DNAJC12: variants seen among roughly 807,000 people sequenced by gnomAD.
DNAJC12 encodes the protein dnaJ homolog subfamily C member 12.
Under a neutral mutation model 28.5 loss-of-function variants are expected in DNAJC12, and 25 were observed. The observed-to-expected ratio is 0.88, with a 90% CI of 0.64 to 1.22. DNAJC12 has a LOEUF of 1.22. Ranked by LOEUF, DNAJC12 falls within the 50% of genes most tolerant of loss-of-function variation. DNAJC12 has a pLI of 0.00. For missense variants in DNAJC12, 222 were observed against 231.7 expected (o/e 0.96, Z 0.27); for synonymous variants, 77 against 80.6 (o/e 0.95, Z 0.24).
chr10:67,818,869 G>C (rs1841941964), intron 2 of DNAJC12, among the ~76,000 whole-genome samples: 1 of 151,892 alleles, frequency 6.6e-6, no homozygotes, highest in Admixed American at 6.6e-5. Context: ...TGGTCAGGCT[G>C]GTCTCAAGTT....
intron 1 of DNAJC12, among the ~76,000 whole-genome samples, chr10:67,826,479 T>C (rs1564865685): frequency 6.9e-6 from 1 of 145,722 alleles, no homozygotes; most frequent in Admixed American, 7.1e-5. Context: ...TATATATATA[T>C]ATAAGATGCT....
intron 2 of DNAJC12, among the ~76,000 whole-genome samples, chr10:67,822,927 A>G (rs1363497848): frequency 6.6e-6 from 1 of 151,942 alleles, no homozygotes; most frequent in Admixed American, 6.6e-5. Context: ...CCCAGGAGCC[A>G]GAGGTTGCAG....
At chr10:67,822,227 A>G (rs1360083571) in intron 2 of DNAJC12, among the ~76,000 whole-genome samples, 3 of 152,192 alleles carry the variant, frequency 2.0e-5, no homozygotes, top group African/African-American at 7.2e-5. Context: ...AGACTGAGAG[A>G]AAGCAGCCCA....
rs138012906 is a variant in DNAJC12, at chr10:67,816,695, G to A, written c.158-5032C>T. Among the ~76,000 whole-genome samples the A allele has an allele frequency of 3.2e-4, 49 of 152,042 alleles. No homozygotes were observed. The East Asian group carries it at 5.2e-3, about 16-fold the overall frequency. On this transcript the variant is annotated intron_variant, in intron 2 of 4. Coordinates refer to ENST00000225171, the MANE Select transcript of DNAJC12 (RefSeq NM_021800.3). Reference sequence around the variant, plus strand: ...ACAGTAGCTGGGATTACAGGCACCCGCCACCACACTCAGCTAATTTTTTGT... The same window carrying A: ...ACAGTAGCTGGGATTACAGGCACCCACCACCACACTCAGCTAATTTTTTGT...
intron 1 of DNAJC12, among the ~76,000 whole-genome samples, chr10:67,829,411 C>A (rs536333133): frequency 2.0e-5 from 3 of 152,214 alleles, no homozygotes; most frequent in East Asian, 3.9e-4. Flanking sequence ...GAGGCCGAGG[C>A]GGGTGGATCA....
chr10:67,827,463 G>A (rs1165633917), intron 1 of DNAJC12: 2 of 152,186 alleles, frequency 1.3e-5, no homozygotes, highest in African/African-American at 4.8e-5. Context: ...AAGGTAGGTG[G>A]ATTATCTGAG....
chr10:67,833,672 C>T (rs1191259051), intron 1 of DNAJC12: 1 of 279,648 alleles, frequency 3.6e-6, no homozygotes, highest in African/African-American at 2.2e-5. Context: ...GTGGCTGCGT[C>T]ACTCTGGTAA....
At position 67,823,433 on chromosome 10, in the gene DNAJC12, G is replaced by A. The variant is rs367812966; in HGVS notation, c.79-41C>T. On this transcript the variant is annotated intron_variant, in intron 1 of 4. Transcript: ENST00000225171. Reference sequence around the variant, plus strand: ...GTGTTTAAAATAAAGAGTCATGCCAGGCGCAGTGACTCACGCCTATAATCT... The same window carrying A: ...GTGTTTAAAATAAAGAGTCATGCCAAGCGCAGTGACTCACGCCTATAATCT... The A allele has an allele frequency of 1.1e-5, 17 of 1,570,764 alleles. No homozygotes were observed. In the African/African-American group the frequency reaches 2.2e-4, roughly 20 times the overall value.
intron 1 of DNAJC12, among the ~76,000 whole-genome samples, chr10:67,823,907 T>G (rs1045137372): frequency 2.0e-5 from 3 of 152,130 alleles, no homozygotes; most frequent in African/African-American, 7.2e-5. Flanking sequence ...ACTACTTAAT[T>G]TAAATGATGG....
At chr10:67,808,241 G>A (rs901937768) in intron 3 of DNAJC12, among the ~76,000 whole-genome samples, 3 of 152,196 alleles carry the variant, frequency 2.0e-5, no homozygotes, top group African/African-American at 7.2e-5. Flanking sequence ...CAGACTAAGA[G>A]AGAGACTAGA....
At position 67,811,546 on chromosome 10, in the gene DNAJC12, G is replaced by A; in HGVS notation, c.275C>T (p.Ala92Val). 1.2e-6 allele frequency: 2 copies of A among 1,614,140 alleles called. No homozygotes were observed. The highest frequency in any genetic ancestry group is 2.7e-5 in the African/African-American group (2 of 75,048). ...CACCGTCTTCACTGAGTCATTCAAAGCTTCCCACTGCTGGAATGGCATCGA... is the reference window on the plus strand; with the variant it reads ...CACCGTCTTCACTGAGTCATTCAAAACTTCCCACTGCTGGAATGGCATCGA... ...QMSMPFQQWE[A>V]LNDSVKTSMH... The change falls in exon 3 of 5, where the codon GCT (alanine) becomes GTT (valine). Residue 92 changes from alanine (A) to valine (V), a missense_variant. Transcript: ENST00000225171.
At chr10:67,814,016 T>C (rs937701544) in intron 2 of DNAJC12, among the ~76,000 whole-genome samples, 1 of 129,526 alleles carries the variant, frequency 7.7e-6, no homozygotes. Context: ...TGTTTGCAAA[T>C]ACAAGGGACC....
At chr10:67,822,494 C>T (rs1179730102) in intron 2 of DNAJC12, among the ~76,000 whole-genome samples, 2 of 151,942 alleles carry the variant, frequency 1.3e-5, no homozygotes, top group African/African-American at 2.4e-5. Flanking sequence ...ACTTCCTTTT[C>T]GGGAAGTCTG....
At position 67,837,921 on chromosome 10, in the gene DNAJC12, T is replaced by C; in HGVS notation, c.78+13A>G. ...GAATACTGTTGTGATAAAAATATTA[T>C]CCACTGTCTTACCGAAGATAGTTCA... On this transcript the variant is annotated intron_variant, in intron 1 of 4. Coordinates refer to ENST00000225171, the MANE Select transcript of DNAJC12 (RefSeq NM_021800.3). 1.3e-6 allele frequency: 2 copies of C among 1,543,204 alleles called. No individual in the cohort carries two copies. Among genetic ancestry groups the C allele is most frequent in the Non-Finnish European group, 1.8e-6 (2 of 1,127,594 alleles).
At chr10:67,833,301 C>G (rs923713117) in intron 1 of DNAJC12, among the ~76,000 whole-genome samples, 1 of 152,136 alleles carries the variant, frequency 6.6e-6, no homozygotes, top group Non-Finnish European at 1.5e-5. Flanking sequence ...GCTGTTTTCT[C>G]CAATGGCAGA....
At chr10:67,810,517 A>G (rs981447333) in intron 3 of DNAJC12, among the ~76,000 whole-genome samples, 6 of 152,190 alleles carry the variant, frequency 3.9e-5, no homozygotes, top group African/African-American at 1.2e-4. Flanking sequence ...GGGACTAATA[A>G]TGTTCCCAAA....
intron 3 of DNAJC12, among the ~76,000 whole-genome samples, chr10:67,807,555 T>C (rs966481006): frequency 9.2e-5 from 14 of 152,154 alleles, no homozygotes; most frequent in African/African-American, 3.4e-4. Context: ...GGTTTTTGCA[T>C]ATGCACAAAA....
At position 67,823,520 on chromosome 10, in the gene DNAJC12, G is replaced by A; in HGVS notation, c.79-128C>T. On this transcript the variant is annotated intron_variant, in intron 1 of 4. Coordinates refer to ENST00000225171, the MANE Select transcript of DNAJC12 (RefSeq NM_021800.3). ...GAATAAGACCAGCCTGGACAACAAA[G>A]CAAGACCCAGTCTCTACAAAATATA... is the stretch of plus-strand genomic sequence containing the variant. 7 of 682,860 alleles carry A rather than the reference G, an allele frequency of 1.0e-5. No individual in the cohort carries two copies. The South Asian group carries it at 1.2e-4, about 12-fold the overall frequency. The allele number at this position is 682,860 out of a possible 1,614,324, so 42.3% of individuals were successfully genotyped here. A position where few individuals can be genotyped will look rare whatever the true frequency, so the allele number is the denominator to read the frequency against.
At chr10:67,832,363 T>G (rs890074767) in intron 1 of DNAJC12, among the ~76,000 whole-genome samples, 1 of 151,992 alleles carries the variant, frequency 6.6e-6, no homozygotes, top group Non-Finnish European at 1.5e-5. Flanking sequence ...AAAACTAGAT[T>G]TTTCCCACAA....
Sources: allele counts gnomAD v4.1 joint callset (sites outside exome capture counted in the v4.1 genomes callset), GRCh38; gene constraint gnomAD v4.1.1; transcripts MANE v1.5; gene names NCBI Gene and HGNC (gene_info 2026-07-23, HGNC 2026-07-21).